GSG1L: variants seen among roughly 807,000 people sequenced by gnomAD.
GSG1L encodes the protein GSG1 like.
Under a neutral mutation model 42.1 loss-of-function variants are expected in GSG1L, and 24 were observed. That is an observed-to-expected ratio of 0.57 (90% CI 0.41 to 0.80). The LOEUF is 0.80. Among genes scored for constraint, GSG1L ranks in the 30% least tolerant of loss-of-function variants. The pLI, the probability that GSG1L is intolerant of heterozygous loss-of-function variation, is 0.00. For missense variants in GSG1L, 445 were observed against 472.2 expected (o/e 0.94, Z 0.53); for synonymous variants, 215 against 203.5 (o/e 1.06, Z -0.48).
At chr16:27,844,681 A>G (rs1662245674) in intron 4 of GSG1L, among the ~76,000 whole-genome samples, 1 of 152,160 alleles carries the variant, frequency 6.6e-6, no homozygotes, top group African/African-American at 2.4e-5. Context: ...TCTTCCTTTG[A>G]TTTATTTTCT....
intron 1 of GSG1L, among the ~76,000 whole-genome samples, chr16:28,007,993 G>A (rs553222592): frequency 2.6e-5 from 4 of 152,276 alleles, no homozygotes; most frequent in African/African-American, 7.2e-5. Flanking sequence ...GAAACTGCAC[G>A]CATTTTACGA....
intron 1 of GSG1L, among the ~76,000 whole-genome samples, chr16:28,049,356 A>G (rs2086197937): frequency 6.6e-6 from 1 of 152,174 alleles, no homozygotes; most frequent in African/African-American, 2.4e-5. Flanking sequence ...TTATTTTCTG[A>G]GAAAAGACAA....
chr16:27,897,696 G>C (rs1056660336), intron 2 of GSG1L, among the ~76,000 whole-genome samples: 16 of 152,200 alleles, frequency 1.1e-4, no homozygotes, highest in African/African-American at 3.9e-4. Context: ...TAGCAAAGAA[G>C]GAAGCTTCTC....
chr16:27,795,996 G>C (rs2082813871), intron 6 of GSG1L, among the ~76,000 whole-genome samples: 2 of 152,160 alleles, frequency 1.3e-5, no homozygotes, highest in African/African-American at 4.8e-5. Context: ...GAACGTCAAT[G>C]CCACCACAAA....
chr16:27,865,775 T>A (rs2083717255), intron 3 of GSG1L, among the ~76,000 whole-genome samples: 2 of 151,574 alleles, frequency 1.3e-5, no homozygotes, highest in South Asian at 4.2e-4. Flanking sequence ...CAATCACGGC[T>A]CACTGCAACC....
chr16:27,830,930 G>A (rs1209611988), intron 4 of GSG1L, among the ~76,000 whole-genome samples: 1 of 152,250 alleles, frequency 6.6e-6, no homozygotes, highest in African/African-American at 2.4e-5. Context: ...CTCCAATTCT[G>A]TTAAGGGATC....
At chr16:27,799,852 C>T (rs941860456) in intron 6 of GSG1L, among the ~76,000 whole-genome samples, 2 of 152,146 alleles carry the variant, frequency 1.3e-5, no homozygotes, top group African/African-American at 2.4e-5. Context: ...CCCAAGCAAG[C>T]GACAAAATGC....
chr16:27,980,567 C>A (rs2141125028), intron 1 of GSG1L, among the ~76,000 whole-genome samples: 1 of 152,286 alleles, frequency 6.6e-6, no homozygotes, highest in Non-Finnish European at 1.5e-5. Context: ...GCTCCTATGA[C>A]CACACCCATT....
intron 6 of GSG1L, among the ~76,000 whole-genome samples, chr16:27,795,973 C>T (rs866294410): frequency 4.3e-4 from 66 of 152,208 alleles, no homozygotes; most frequent in African/African-American, 1.4e-3. Context: ...TTGGGAGGGC[C>T]CTTCAAGACC....
At chr16:27,999,749 T>G (rs1287115980) in intron 1 of GSG1L, among the ~76,000 whole-genome samples, 2 of 152,204 alleles carry the variant, frequency 1.3e-5, no homozygotes, top group African/African-American at 4.8e-5. Flanking sequence ...GGTTCTTTCT[T>G]AGCTGCTTCT....
intron 1 of GSG1L, among the ~76,000 whole-genome samples, chr16:28,028,335 A>T (rs2141172179): frequency 6.6e-6 from 1 of 152,186 alleles, no homozygotes; most frequent in South Asian, 2.1e-4. Context: ...TTTCATCCCG[A>T]TCTTGAAGAT....
chr16:27,989,063 A>AAAG, intron 1 of GSG1L, among the ~76,000 whole-genome samples: 1 of 151,796 alleles, frequency 6.6e-6, no homozygotes, highest in African/African-American at 2.4e-5. Flanking sequence ...AAAAAAAAAA[A>AAAG]AAAAGAAAAG....
intron 3 of GSG1L, among the ~76,000 whole-genome samples, chr16:27,857,930 C>A (rs1423759928): frequency 1.3e-5 from 2 of 152,134 alleles, no homozygotes; most frequent in African/African-American, 4.8e-5. Context: ...TGTGACGGGT[C>A]TACACCTGCA....
chr16:27,852,066 T>C (rs2083521214), intron 3 of GSG1L, among the ~76,000 whole-genome samples: 2 of 152,230 alleles, frequency 1.3e-5, no homozygotes, highest in Admixed American at 1.3e-4. Context: ...CTCCATTTAA[T>C]TGAGATACCA....
intron 1 of GSG1L, among the ~76,000 whole-genome samples, chr16:28,044,771 G>T (rs529548230): frequency 1.3e-5 from 2 of 152,176 alleles, no homozygotes; most frequent in Non-Finnish European, 2.9e-5. Flanking sequence ...TTAGAGGCGT[G>T]TGCCACCATG....
At chr16:27,979,769 G>GAAAGAAAGAAA in intron 1 of GSG1L, among the ~76,000 whole-genome samples, 1 of 43,210 alleles carries the variant, frequency 2.3e-5, no homozygotes, top group Middle Eastern at 0.02. Context: ...AAAGAAAGAA[G>GAAAGAAAGAAA]GAAAGAAAGA....
At chr16:28,047,291 C>G (rs535039175) in intron 1 of GSG1L, among the ~76,000 whole-genome samples, 1 of 151,928 alleles carries the variant, frequency 6.6e-6, no homozygotes, top group South Asian at 2.1e-4. Context: ...ATAATTATAA[C>G]AAAAATGGAA....
At chr16:27,939,592 T>C (rs920333004) in intron 2 of GSG1L, among the ~76,000 whole-genome samples, 12 of 152,202 alleles carry the variant, frequency 7.9e-5, no homozygotes, top group Admixed American at 2.0e-4. Flanking sequence ...ACAGGACTTC[T>C]GAGTTACAAG....
chr16:27,942,111 T>C (rs949343057), intron 2 of GSG1L, among the ~76,000 whole-genome samples: 2 of 151,872 alleles, frequency 1.3e-5, no homozygotes, highest in African/African-American at 4.8e-5. Context: ...TTTTATGTTA[T>C]ATATTTTACC....
Sources: gnomAD v4.1 joint callset for allele counts (sites outside exome capture counted in the v4.1 genomes callset) on GRCh38, gnomAD v4.1.1 for gene constraint, MANE v1.5 for transcripts, NCBI Gene and HGNC (gene_info 2026-07-23, HGNC 2026-07-21) for gene names.